Variants in PYGB observed in about 807,000 individuals in gnomAD.
PYGB encodes the protein glycogen phosphorylase B.
Under a neutral mutation model 94.3 loss-of-function variants are expected in PYGB, and 82 were observed. That is an observed-to-expected ratio of 0.87 (90% CI 0.73 to 1.04). The LOEUF is 1.04. Among genes scored for constraint, PYGB ranks in the 50% least tolerant of loss-of-function variants. The probability of loss-of-function intolerance (pLI) is 0.00; values close to 1 mark genes in which losing one functional copy is unlikely to be tolerated. For missense variants in PYGB, 1,132 were observed against 1,158.2 expected (o/e 0.98, Z 0.33); for synonymous variants, 488 against 479.1 (o/e 1.02, Z -0.24).
chr20:25,283,054 C>T (rs113104969), intron 12 of PYGB, 122 bp from the exon 13 acceptor site: 49 of 812,608 alleles, frequency 6.0e-5, no homozygotes, highest in African/African-American at 8.5e-5. Context: ...CCGGAGGGGC[C>T]GGACAAGCAG....
chr20:25,293,867 T>C (rs2088498718), intron 17 of PYGB: 1 of 446,984 alleles, frequency 2.2e-6, no homozygotes, highest in Admixed American at 3.8e-5. Flanking sequence ...CCACTAGGAA[T>C]GTGGCATCAG....
chr20:25,269,128 G>A lies in PYGB; in HGVS notation c.346-1G>A. The A allele has an allele frequency of 6.4e-7, 1 of 1,571,696 alleles. No homozygotes were observed. Among genetic ancestry groups the A allele is most frequent in the Non-Finnish European group, 8.8e-7 (1 of 1,141,448 alleles). On this transcript the variant is annotated splice_acceptor_variant, in intron 2 of 19. Transcript: ENST00000216962. LOFTEE classifies it high-confidence loss of function. ...AATGCTGCCTGTGTTTTTGTTTGCA[G>A]TTGGGGTTAGACTTGGAGGAACTCG...
intron 4 of PYGB, among the ~76,000 whole-genome samples, chr20:25,273,871 T>C (rs1485297724): frequency 6.6e-6 from 1 of 152,184 alleles, no homozygotes; most frequent in Non-Finnish European, 1.5e-5. Flanking sequence ...TTTTTAGAGA[T>C]AGGTCCTGCC....
At chr20:25,265,735 C>T (rs1216062373) in intron 2 of PYGB, among the ~76,000 whole-genome samples, 1 of 151,952 alleles carries the variant, frequency 6.6e-6, no homozygotes, top group East Asian at 1.9e-4. Context: ...GCTGGGACTG[C>T]AGGCACCTGC....
At chr20:25,257,103 C>T (rs930905150) in intron 1 of PYGB, among the ~76,000 whole-genome samples, 1 of 152,200 alleles carries the variant, frequency 6.6e-6, no homozygotes, top group Non-Finnish European at 1.5e-5. Context: ...TTTTCTTGGC[C>T]AGCTCCTCCA....
At position 25,288,412 on chromosome 20, in the gene PYGB, G is replaced by A. The variant is rs764876528; in HGVS notation, c.1769-13G>A. 7.4e-6 allele frequency: 12 copies of A among 1,614,156 alleles called. No individual in the cohort carries two copies. The highest frequency in any genetic ancestry group is 5.0e-5 in the Admixed American group (3 of 60,020). ...GCGGTGCCTTGTGTGAGTCTCTTCC[G>A]TGTGTCCTGCAGGAATCAAGAGAGA... is the stretch of plus-strand genomic sequence containing the variant. On this transcript the variant is annotated splice_polypyrimidine_tract_variant and intron_variant, in intron 14 of 19. Coordinates refer to ENST00000216962, the MANE Select transcript of PYGB (RefSeq NM_002862.4).
chr20:25,290,734 G>C, intron 16 of PYGB, 112 bp downstream of exon 16: 3 of 1,440,772 alleles, frequency 2.1e-6, no homozygotes, highest in South Asian at 1.3e-5. Flanking sequence ...TGGACACCCA[G>C]ACCTAGCCAG....
chr20:25,286,133 C>T (rs149368436), intron 14 of PYGB, among the ~76,000 whole-genome samples: 11 of 152,292 alleles, frequency 7.2e-5, no homozygotes, highest in African/African-American at 2.6e-4. Context: ...TGGTGTTGGC[C>T]GTTACAGGGC....
chr20:25,260,482 TAA>T (rs1288678058), intron 2 of PYGB, among the ~76,000 whole-genome samples: 1 of 152,236 alleles, frequency 6.6e-6, no homozygotes, highest in African/African-American at 2.4e-5. Context: ...TGTATCCTTT[TAA>T]ACTTTGTATA....
chr20:25,279,097 T>A lies in PYGB; in HGVS notation c.1040T>A (p.Ile347Asn). 1.2e-6 allele frequency: 2 copies of A among 1,613,854 alleles called. No homozygotes were observed. Among genetic ancestry groups the A allele is most frequent in the Non-Finnish European group, 1.7e-6 (2 of 1,179,826 alleles). The change falls in exon 9 of 20, where the codon ATC (isoleucine) becomes AAC (asparagine). Residue 347 changes from isoleucine to asparagine, a missense_variant. Transcript: ENST00000216962. ...AACGACACCCACCCCGCCCTCTCCA[T>A]CCCTGAGCTCATGCGGATCCTGGTG... ...QLNDTHPALS[I>N]PELMRILVDV... is the part of the protein sequence containing the mutation.
At chr20:25,294,036 GC>G in intron 17 of PYGB, 121 bp from the exon 18 acceptor site, 1 of 1,362,898 alleles carries the variant, frequency 7.3e-7, no homozygotes, top group South Asian at 1.3e-5. Context: ...CCTGGACCGT[GC>G]AGGCCTTGAG....
At chr20:25,276,870 C>A in intron 6 of PYGB, 113 bp downstream of exon 6, 1 of 970,680 alleles carries the variant, frequency 1.0e-6, no homozygotes, top group Non-Finnish European at 1.6e-6. Flanking sequence ...GGCCGCGCGG[C>A]CCTCCTCTAG....
intron 18 of PYGB, chr20:25,294,696 G>A (rs1422378207): frequency 6.7e-6 from 4 of 600,584 alleles, no homozygotes; most frequent in Non-Finnish European, 1.2e-5. Flanking sequence ...GCAGGCGTCA[G>A]TGCCAGTGAC....
chr20:25,295,166 T>A (rs2088520932), intron 18 of PYGB: 2 of 909,344 alleles, frequency 2.2e-6, no homozygotes, highest in Non-Finnish European at 3.6e-6. Context: ...GAACTGCAAG[T>A]CAGTATTTCC....
intron 4 of PYGB, among the ~76,000 whole-genome samples, chr20:25,272,698 A>G (rs934302794): frequency 6.6e-6 from 1 of 152,218 alleles, no homozygotes; most frequent in African/African-American, 2.4e-5. Flanking sequence ...GCCCTCTGCA[A>G]CCTTAGAAAG....
At chr20:25,274,031 A>G (rs150943641) in intron 4 of PYGB, among the ~76,000 whole-genome samples, 9 of 152,308 alleles carry the variant, frequency 5.9e-5, no homozygotes, top group Non-Finnish European at 8.8e-5. Context: ...CGTCAAAGCA[A>G]TGTCTTCTAG....
intron 14 of PYGB, 126 bp from the exon 15 acceptor site, chr20:25,288,297 TGG>T (rs763838497): frequency 2.8e-6 from 3 of 1,070,550 alleles, no homozygotes; most frequent in South Asian, 1.3e-5. Context: ...CCCGTGTCTC[TGG>T]GGCTTGAAGT....
intron 11 of PYGB, 133 bp from the exon 12 acceptor site, chr20:25,281,900 T>C (rs1406426695): frequency 1.4e-5 from 11 of 781,914 alleles, no homozygotes; most frequent in Non-Finnish European, 4.3e-6. Flanking sequence ...GTCACTCTGT[T>C]CTCCTTAGAA....
At position 25,290,320 on chromosome 20, in the gene PYGB, C is replaced by A. The variant is rs552819612; in HGVS notation, c.1828-161C>A. 2.0e-5 allele frequency among the ~76,000 whole-genome samples: 3 copies of A among 152,348 alleles called. No individual in the cohort carries two copies. The South Asian group carries it at 6.2e-4, about 32-fold the overall frequency. ...TCGTGAGTGCGCAGCAGAGCTGGGG[C>A]CTTGGGGCCGGGGAGCCTCCCTAGC... is the stretch of plus-strand genomic sequence containing the variant. On this transcript the variant is annotated intron_variant, in intron 15 of 19. Transcript: ENST00000216962.
Sources: gnomAD v4.1 joint callset for allele counts (sites outside exome capture counted in the v4.1 genomes callset) on GRCh38, gnomAD v4.1.1 for gene constraint, MANE v1.5 for transcripts, NCBI Gene and HGNC (gene_info 2026-07-23, HGNC 2026-07-21) for gene names.